LRRC49: variants seen among roughly 807,000 people sequenced by gnomAD.
LRRC49 encodes the protein leucine rich repeat containing 49, also known as leucine-rich repeat-containing protein 49.
A neutral mutation model predicts 83.3 loss-of-function variants in LRRC49; 50 were observed. The ratio of observed to expected loss-of-function variants is 0.60; its 90% CI spans 0.48 to 0.76. The LOEUF (loss-of-function observed/expected upper bound fraction) is 0.76, where lower values mean the gene tolerates loss of function less well. LRRC49 is among the 30% of genes least tolerant of loss of function. The probability of loss-of-function intolerance (pLI) is 0.00; values close to 1 mark genes in which losing one functional copy is unlikely to be tolerated. For synonymous variants in LRRC49, 286 were observed against 283.3 expected, an observed-to-expected ratio of 1.01 and a Z score of -0.10; for missense variants, 704 against 809.1, an observed-to-expected ratio of 0.87 and a Z score of 1.58.
At chr15:70,953,757 G>A (rs777365422) in intron 8 of LRRC49, among the ~76,000 whole-genome samples, 9 of 152,126 alleles carry the variant, frequency 5.9e-5, no homozygotes, top group Non-Finnish European at 1.0e-4. Flanking sequence ...ATGCAAATGA[G>A]TTACAGGTTT....
At chr15:70,872,026 T>C in intron 1 of LRRC49, among the ~76,000 whole-genome samples, 1 of 152,190 alleles carries the variant, frequency 6.6e-6, no homozygotes, top group East Asian at 1.9e-4. Flanking sequence ...TCTCGGCACT[T>C]TGGGAGGCCA....
chr15:70,949,892 T>C (rs2036153796), intron 8 of LRRC49, among the ~76,000 whole-genome samples: 1 of 152,170 alleles, frequency 6.6e-6, no homozygotes, highest in African/African-American at 2.4e-5. Context: ...AGGCTTGGTA[T>C]ATGAATGATC....
chr15:70,998,601 C>A (rs1428567010), intron 11 of LRRC49, among the ~76,000 whole-genome samples: 1 of 151,938 alleles, frequency 6.6e-6, no homozygotes, highest in African/African-American at 2.4e-5. Context: ...TCACTACTTT[C>A]AAGATTGTCT....
intron 10 of LRRC49, 42 bp downstream of exon 10, chr15:70,980,226 G>GTGC: frequency 2.2e-6 from 3 of 1,393,974 alleles, no homozygotes; most frequent in Non-Finnish European, 3.0e-6. Context: ...TGCACACGTA[G>GTGC]ACACACATAC....
chr15:71,049,492 G>A lies in LRRC49; in HGVS notation c.1941G>A (p.Glu647=), dbSNP rs146175484. ...KEATEINMKN[E]ALQKLWPQMF... is the part of the protein sequence containing the mutation. Reference sequence around the variant, plus strand: ...CCACAGAAATCAACATGAAAAATGAGGCTTTGCAGAAGCTTTGGCCACAGA... The same window carrying A: ...CCACAGAAATCAACATGAAAAATGAAGCTTTGCAGAAGCTTTGGCCACAGA... Residue 647 remains glutamate, a synonymous_variant, in exon 16 of 16, where the codon GAG becomes GAA. Transcript: ENST00000260382. The A allele has an allele frequency of 2.5e-3, 3,955 of 1,613,666 alleles. 12 individuals are homozygous for A. Among genetic ancestry groups the A allele is most frequent in the Non-Finnish European group, 2.6e-3 (3,123 of 1,179,616 alleles).
chr15:70,948,890 T>C (rs2036109949), intron 8 of LRRC49, among the ~76,000 whole-genome samples: 1 of 152,190 alleles, frequency 6.6e-6, no homozygotes, highest in Non-Finnish European at 1.5e-5. Flanking sequence ...ATAACTTAAA[T>C]TGGTATCATA....
intron 2 of LRRC49, among the ~76,000 whole-genome samples, chr15:70,883,351 C>T (rs1028796115): frequency 6.6e-6 from 1 of 152,028 alleles, no homozygotes; most frequent in Non-Finnish European, 1.5e-5. Context: ...GCCACCACGC[C>T]CAGCTAATTT....
rs534987589 is a variant in LRRC49 at position 70,995,932 on chromosome 15, A to G, written c.1169+11675A>G. On this transcript the variant is annotated intron_variant, in intron 11 of 15. Transcript: ENST00000260382. The stretch of plus-strand genomic sequence containing the variant: ...AGCTTTTAAGAAGGGAGCATAGAGA[A>G]AGAGTTTGGGAGAGATGGGAGAAGT... Among the ~76,000 whole-genome samples the G allele has an allele frequency of 1.1e-3, 164 of 152,246 alleles. 1 individual carries two copies. Among genetic ancestry groups the G allele is most frequent in the African/African-American group, 3.8e-3 (159 of 41,544 alleles).
At chr15:70,983,653 C>T (rs1393274049) in intron 10 of LRRC49, among the ~76,000 whole-genome samples, 1 of 152,084 alleles carries the variant, frequency 6.6e-6, no homozygotes, top group Non-Finnish European at 1.5e-5. Flanking sequence ...AAGATTATTT[C>T]ACCTTACCAG....
intron 9 of LRRC49, among the ~76,000 whole-genome samples, chr15:70,970,898 G>T (rs1250382688): frequency 6.6e-6 from 1 of 152,006 alleles, no homozygotes; most frequent in Non-Finnish European, 1.5e-5. Context: ...AATCTGGCTA[G>T]CAGTCTACCT....
At chr15:70,860,454 G>A (rs2032762560) in intron 1 of LRRC49, among the ~76,000 whole-genome samples, 1 of 152,184 alleles carries the variant, frequency 6.6e-6, no homozygotes, top group African/African-American at 2.4e-5. Flanking sequence ...TCACTCTGTC[G>A]CCTAGGCTCG....
chr15:70,862,344 C>T (rs938402526), intron 1 of LRRC49, among the ~76,000 whole-genome samples: 2 of 151,978 alleles, frequency 1.3e-5, no homozygotes, highest in African/African-American at 4.8e-5. Flanking sequence ...TTTGGGAGGC[C>T]GAGGCGGGCG....
chr15:71,000,097 T>C (rs2038207384), intron 11 of LRRC49, among the ~76,000 whole-genome samples: 1 of 152,212 alleles, frequency 6.6e-6, no homozygotes. Flanking sequence ...GGTAACAGGG[T>C]AAGTTAAGAT....
chr15:70,881,196 T>TC (rs2033256514), intron 2 of LRRC49: 2 of 152,124 alleles, frequency 1.3e-5, no homozygotes, highest in African/African-American at 4.8e-5. Flanking sequence ...AGCACTACAT[T>TC]CCAGCCTGGG....
At chr15:70,948,808 T>C (rs2036107130) in intron 8 of LRRC49, among the ~76,000 whole-genome samples, 1 of 152,164 alleles carries the variant, frequency 6.6e-6, no homozygotes, top group Admixed American at 6.5e-5. Flanking sequence ...TTATCATTGT[T>C]TCTGGGCCAT....
chr15:70,953,440 G>T (rs958664531), intron 8 of LRRC49, among the ~76,000 whole-genome samples: 1 of 152,132 alleles, frequency 6.6e-6, no homozygotes, highest in Non-Finnish European at 1.5e-5. Flanking sequence ...TTTCTTCAAG[G>T]ATATTGAAAA....
At chr15:70,989,932 G>T (rs978720961) in intron 11 of LRRC49, among the ~76,000 whole-genome samples, 1 of 152,182 alleles carries the variant, frequency 6.6e-6, no homozygotes, top group Admixed American at 6.5e-5. Context: ...AGCAGCGGTG[G>T]CGGCAGAACA....
At chr15:71,036,884 C>T (rs1057176824) in intron 14 of LRRC49, among the ~76,000 whole-genome samples, 7 of 152,098 alleles carry the variant, frequency 4.6e-5, no homozygotes, top group African/African-American at 1.7e-4. Context: ...TTGTTTTGTG[C>T]TCTGTGATTA....
At chr15:70,974,930 ATTC>A (rs1262286472) in intron 9 of LRRC49, among the ~76,000 whole-genome samples, 2 of 152,200 alleles carry the variant, frequency 1.3e-5, no homozygotes, top group Non-Finnish European at 2.9e-5. Context: ...AAGCAAAACA[ATTC>A]TTAGCACAAA....
Sources: gnomAD v4.1 joint callset for allele counts (sites outside exome capture counted in the v4.1 genomes callset) on GRCh38, gnomAD v4.1.1 for gene constraint, MANE v1.5 for transcripts, NCBI Gene and HGNC (gene_info 2026-07-23, HGNC 2026-07-21) for gene names.